The following NRXN1 variants were observed in gnomAD, a reference collection of about 807,000 sequenced individuals.
NRXN1 encodes neurexin 1, also known as neurexin-1.
NRXN1 carries 39 observed loss-of-function variants against 150.9 expected under a neutral mutation model. The ratio of observed to expected loss-of-function variants is 0.26; its 90% CI spans 0.20 to 0.34. The LOEUF is 0.34. NRXN1 is among the 10% of genes least tolerant of loss of function. The pLI, the probability that NRXN1 is intolerant of heterozygous loss-of-function variation, is 1.00. For missense variants in NRXN1, 1,815 were observed against 1,949.9 expected (o/e 0.93, Z 1.30); for synonymous variants, 924 against 757.0 (o/e 1.22, Z -3.62).
At chr2:50,107,806 A>G (rs1359846170) in intron 18 of NRXN1, among the ~76,000 whole-genome samples, 2 of 151,892 alleles carry the variant, frequency 1.3e-5, no homozygotes, top group African/African-American at 2.4e-5. Flanking sequence ...ACCATTTGCT[A>G]TGTTCCCAAT....
intron 18 of NRXN1, among the ~76,000 whole-genome samples, chr2:50,212,690 A>T (rs2063121924): frequency 6.6e-6 from 1 of 151,882 alleles, no homozygotes; most frequent in African/African-American, 2.4e-5. Context: ...GGAAACAAAT[A>T]AACCAAAAAT....
intron 17 of NRXN1, among the ~76,000 whole-genome samples, chr2:50,325,184 GAAAACAACAAT>G (rs1248830946): frequency 1.3e-5 from 2 of 152,166 alleles, no homozygotes. Context: ...CAGAATGGAT[GAAAACAACAAT>G]AAAACAATGT....
At chr2:50,472,755 C>G (rs2075232) in intron 15 of NRXN1, among the ~76,000 whole-genome samples, 17 of 150,084 alleles carry the variant, frequency 1.1e-4, no homozygotes, top group African/African-American at 3.9e-4. Flanking sequence ...CATACCCTTG[C>G]GTGGAAATCC....
intron 18 of NRXN1, among the ~76,000 whole-genome samples, chr2:50,106,385 C>G (rs74620983): frequency 6.6e-6 from 1 of 151,816 alleles, no homozygotes; most frequent in Admixed American, 6.6e-5. Context: ...AAAGAAAACC[C>G]CAAAACTCTT....
intron 8 of NRXN1, among the ~76,000 whole-genome samples, chr2:50,593,689 TC>T (rs983106793): frequency 6.6e-6 from 1 of 152,186 alleles, no homozygotes; most frequent in African/African-American, 2.4e-5. Context: ...TGATCAAAAT[TC>T]TTTTGACTTA....
chr2:50,087,840 T>G (rs984205909), intron 19 of NRXN1, among the ~76,000 whole-genome samples: 1 of 152,168 alleles, frequency 6.6e-6, no homozygotes, highest in Non-Finnish European at 1.5e-5. Context: ...GCAGTACCAT[T>G]GGTCAATGCT....
intron 18 of NRXN1, among the ~76,000 whole-genome samples, chr2:50,116,855 T>C (rs1218777239): frequency 6.6e-6 from 1 of 152,146 alleles, no homozygotes; most frequent in Non-Finnish European, 1.5e-5. Flanking sequence ...GGGTGGTTTT[T>C]CTTAAGCATT....
intron 17 of NRXN1, among the ~76,000 whole-genome samples, chr2:50,296,587 G>C (rs1371953683): frequency 6.7e-6 from 1 of 149,032 alleles, no homozygotes; most frequent in African/African-American, 2.5e-5. Flanking sequence ...TCCCACCTCA[G>C]CTTCTTGAGT....
intron 5 of NRXN1, among the ~76,000 whole-genome samples, chr2:50,628,855 T>A (rs1225368484): frequency 6.6e-6 from 1 of 150,810 alleles, no homozygotes; most frequent in African/African-American, 2.4e-5. Flanking sequence ...CACAAGCCAA[T>A]GGGAAAAAAA....
intron 8 of NRXN1, among the ~76,000 whole-genome samples, chr2:50,615,103 T>C (rs1462299313): frequency 6.6e-6 from 1 of 152,206 alleles, no homozygotes; most frequent in Non-Finnish European, 1.5e-5. Context: ...TCCAGATTTG[T>C]GGCAATAAAT....
At chr2:50,086,102 C>T (rs1698741906) in intron 19 of NRXN1, among the ~76,000 whole-genome samples, 1 of 152,070 alleles carries the variant, frequency 6.6e-6, no homozygotes, top group African/African-American at 2.4e-5. Flanking sequence ...TCCTTCCCTC[C>T]TTCAAATGTA....
intron 21 of NRXN1, among the ~76,000 whole-genome samples, chr2:50,021,951 A>C (rs1687637327): frequency 6.6e-6 from 1 of 152,198 alleles, no homozygotes; most frequent in Admixed American, 6.5e-5. Context: ...CCAGGGTTCA[A>C]GAGATTCTCC....
In NRXN1 at chr2:50,635,583, G is replaced by A. The variant is rs1683120947; in HGVS notation, c.833-11968C>T. 2.0e-5 allele frequency among the ~76,000 whole-genome samples: 3 copies of A among 152,142 alleles called. No homozygotes were observed. The South Asian group carries it at 6.2e-4, about 31-fold the overall frequency. Reference sequence around the variant, plus strand: ...TGATGCATACAAAGTCATGCATTGGGAATGCAGAACACCAGCTTTCATTTC... The same window carrying A: ...TGATGCATACAAAGTCATGCATTGGAAATGCAGAACACCAGCTTTCATTTC... On this transcript the variant is annotated intron_variant, in intron 5 of 22. Coordinates refer to ENST00000401669, the MANE Select transcript of NRXN1 (RefSeq NM_001330078.2).
At chr2:50,768,580 T>C (rs1702629205) in intron 5 of NRXN1, among the ~76,000 whole-genome samples, 1 of 151,852 alleles carries the variant, frequency 6.6e-6, no homozygotes, top group Non-Finnish European at 1.5e-5. Context: ...GCGCTGGGAT[T>C]ATAGGCTAAT....
At chr2:50,492,695 T>A (rs1170920899) in intron 15 of NRXN1, among the ~76,000 whole-genome samples, 2 of 152,052 alleles carry the variant, frequency 1.3e-5, no homozygotes, top group Non-Finnish European at 2.9e-5. Context: ...TGGTAAAACA[T>A]AAGGAGGATA....
intron 5 of NRXN1, among the ~76,000 whole-genome samples, chr2:50,823,029 C>A (rs919745680): frequency 4.6e-5 from 7 of 152,178 alleles, no homozygotes; most frequent in Admixed American, 4.6e-4. Flanking sequence ...GAGAAAGTAA[C>A]TATAGACGTC....
chr2:50,979,331 C>T, intron 2 of NRXN1: 1 of 511,088 alleles, frequency 2.0e-6, no homozygotes, highest in Non-Finnish European at 3.9e-6. Context: ...AATTCCATCC[C>T]TATTCTCAGC....
intron 19 of NRXN1, among the ~76,000 whole-genome samples, chr2:50,061,289 T>C (rs1055072756): frequency 1.1e-4 from 16 of 152,320 alleles, no homozygotes; most frequent in South Asian, 4.1e-4. Flanking sequence ...AACCATTTGA[T>C]TGGGAAAGGT....
intron 17 of NRXN1, among the ~76,000 whole-genome samples, chr2:50,271,852 C>T (rs199721368): frequency 2.0e-5 from 3 of 151,900 alleles, no homozygotes; most frequent in Non-Finnish European, 4.4e-5. Context: ...GAAAAAAAAT[C>T]AAATAAAACT....
Sources: gnomAD v4.1 joint callset for allele counts (sites outside exome capture counted in the v4.1 genomes callset) on GRCh38, gnomAD v4.1.1 for gene constraint, MANE v1.5 for transcripts, NCBI Gene and HGNC (gene_info 2026-07-23, HGNC 2026-07-21) for gene names.